Variants in LEPROTL1 observed in about 807,000 individuals in gnomAD.
LEPROTL1 encodes the protein leptin receptor overlapping transcript like 1.
A neutral mutation model predicts 15.4 loss-of-function variants in LEPROTL1; 6 were observed. That is an observed-to-expected ratio of 0.39 (90% CI 0.21 to 0.77). The LOEUF is 0.77. Among genes scored for constraint, LEPROTL1 ranks in the 30% least tolerant of loss-of-function variants. The pLI is 0.41. For synonymous variants in LEPROTL1, 56 were observed against 52.6 expected, an observed-to-expected ratio of 1.06 and a Z score of -0.28; for missense variants, 128 against 158.1, an observed-to-expected ratio of 0.81 and a Z score of 1.02.
At chr8:30,124,701 TAAC>T (rs1388183877) in intron 3 of LEPROTL1, among the ~76,000 whole-genome samples, 1 of 151,538 alleles carries the variant, frequency 6.6e-6, no homozygotes. Flanking sequence ...GTTATGTAAA[TAAC>T]TATATAAACA....
intron 3 of LEPROTL1, among the ~76,000 whole-genome samples, chr8:30,119,311 G>A (rs1802792127): frequency 6.6e-6 from 1 of 152,138 alleles, no homozygotes; most frequent in African/African-American, 2.4e-5. Flanking sequence ...CAGGGTACAG[G>A]TCAAAATGGA....
rs1802567133 is a variant in LEPROTL1 at position 30,106,321 on chromosome 8, G to C, written c.*459G>C. 1.0e-6 allele frequency: 1 copy of C among 986,640 alleles called. No homozygotes were observed. The highest frequency in any genetic ancestry group is 1.7e-5 in the African/African-American group (1 of 57,214). 61.1% of individuals were successfully genotyped at this position (986,640 alleles called of 1,614,324 possible). On this transcript the variant is annotated 3_prime_UTR_variant, in exon 4 of 4. Transcript: ENST00000321250. ...AATTATAAAAATAAGTTTTCAGTCA[G>C]TCAGGATGACATCACTCCCAATGTT...
At chr8:30,116,428 A>G (rs1232323990) in intron 3 of LEPROTL1, among the ~76,000 whole-genome samples, 2 of 152,172 alleles carry the variant, frequency 1.3e-5, no homozygotes. Context: ...ATCATCAGGC[A>G]TTAGATTCTC....
chr8:30,113,648 GTT>G (rs1307424846), intron 3 of LEPROTL1, among the ~76,000 whole-genome samples: 1 of 152,188 alleles, frequency 6.6e-6, no homozygotes, highest in Admixed American at 6.5e-5. Context: ...GAGAGAACAT[GTT>G]TCCTGCAGTA....
At chr8:30,129,566 G>T (rs1374872828) in intron 3 of LEPROTL1, among the ~76,000 whole-genome samples, 1 of 152,020 alleles carries the variant, frequency 6.6e-6, no homozygotes, top group Non-Finnish European at 1.5e-5. Context: ...TTAGCTGGGT[G>T]TGGTGGCATG....
At chr8:30,132,091 T>TGGGTG (rs760688047) in intron 3 of LEPROTL1, 1 of 1,551,682 alleles carries the variant, frequency 6.4e-7, no homozygotes, top group African/African-American at 1.4e-5. Flanking sequence ...AATGATCAAC[T>TGGGTG]GGGTGTGGGC....
chr8:30,124,494 A>T (rs536534177), intron 3 of LEPROTL1, among the ~76,000 whole-genome samples: 16 of 152,290 alleles, frequency 1.1e-4, no homozygotes, highest in African/African-American at 3.8e-4. Flanking sequence ...TTAATCTGTG[A>T]ATATCTCTAA....
downstream of LEPROTL1, among the ~76,000 whole-genome samples, chr8:30,110,496 T>TG (rs1305415044): frequency 6.6e-6 from 1 of 151,882 alleles, no homozygotes; most frequent in African/African-American, 2.4e-5. Flanking sequence ...GAGGCTGGGT[T>TG]GGGGGGCGGT....
At position 30,095,491 on chromosome 8, in the gene LEPROTL1, A is replaced by T. The variant is rs1802344280; in HGVS notation, c.-22A>T. On this transcript the variant is annotated 5_prime_UTR_variant, in exon 1 of 4. Transcript: ENST00000321250. ...CTGCCGCCGCCGCCTCGGGTCGTGG[A>T]GCCAGGAGCGACGTCACCGCCATGG... The T allele has an allele frequency of 1.4e-6, 2 of 1,462,550 alleles. No individual in the cohort carries two copies. Among genetic ancestry groups the T allele is most frequent in the Non-Finnish European group, 1.8e-6 (2 of 1,111,366 alleles). The allele number at this position is 1,462,550 out of a possible 1,614,324, so 90.6% of individuals were successfully genotyped here.
intron 3 of LEPROTL1, among the ~76,000 whole-genome samples, chr8:30,123,074 A>G (rs556886749): frequency 2.6e-5 from 4 of 152,308 alleles, no homozygotes; most frequent in Admixed American, 2.6e-4. Context: ...CTGGATGTCT[A>G]AATGGGAGCT....
In LEPROTL1 at chr8:30,106,834, G is replaced by A. The variant is rs1308223041; in HGVS notation, c.*972G>A. ...AAACCTTCCTCTGCTTCCTCCTTTT[G>A]ACTTATTTGGTATGTTGTATATATT... On this transcript the variant is annotated 3_prime_UTR_variant, in exon 4 of 4. Transcript: ENST00000321250. The A allele has an allele frequency of 2.0e-6, 2 of 984,326 alleles. No homozygotes were observed. The highest frequency in any genetic ancestry group is 3.5e-5 in the African/African-American group (2 of 57,126). The allele number at this position is 984,326 out of a possible 1,614,324, so 61.0% of individuals were successfully genotyped here.
chr8:30,131,884 T>C, intron 3 of LEPROTL1: 2 of 1,484,684 alleles, frequency 1.3e-6, no homozygotes, highest in African/African-American at 1.4e-5. Context: ...TATCGATGCG[T>C]CATCTGGCAC....
chr8:30,109,315 G>A (rs1802620711), downstream of LEPROTL1, among the ~76,000 whole-genome samples: 1 of 152,154 alleles, frequency 6.6e-6, no homozygotes, highest in Non-Finnish European at 1.5e-5. Flanking sequence ...TTCTTTCAGT[G>A]AAGATTAGGA....
At chr8:30,116,944 G>T (rs1487258860) in intron 3 of LEPROTL1, among the ~76,000 whole-genome samples, 2 of 152,122 alleles carry the variant, frequency 1.3e-5, no homozygotes, top group Non-Finnish European at 2.9e-5. Flanking sequence ...TATTAGACAT[G>T]AATTGAATTA....
intron 4 of LEPROTL1, among the ~76,000 whole-genome samples, chr8:30,135,309 T>A (rs186310528): frequency 7.7e-4 from 117 of 152,272 alleles, no homozygotes; most frequent in African/African-American, 2.7e-3. Context: ...ATGAGGAACA[T>A]TGTGGGAAAT....
At chr8:30,109,207 A>G (rs1328442038), downstream of LEPROTL1, among the ~76,000 whole-genome samples, 1 of 152,222 alleles carries the variant, frequency 6.6e-6, no homozygotes, top group African/African-American at 2.4e-5. Context: ...GTTATTGTTA[A>G]GTGGTATGTG....
At chr8:30,124,376 A>G (rs1198740734) in intron 3 of LEPROTL1, among the ~76,000 whole-genome samples, 1 of 152,172 alleles carries the variant, frequency 6.6e-6, no homozygotes, top group Admixed American at 6.5e-5. Context: ...TGAACTCCCA[A>G]TCAACCAGTT....
chr8:30,100,313 C>G (rs1414216228), intron 1 of LEPROTL1, among the ~76,000 whole-genome samples: 1 of 152,080 alleles, frequency 6.6e-6, no homozygotes, highest in Non-Finnish European at 1.5e-5. Context: ...ACTTTTAGAC[C>G]TTCTACAAAT....
Position 30,104,388 on chromosome 8 carries a change from G to T in LEPROTL1, c.181G>T (p.Ala61Ser). 1 of 1,612,430 alleles carries T rather than the reference G, an allele frequency of 6.2e-7. No individual in the cohort carries two copies. The highest frequency in any genetic ancestry group is 2.2e-5 in the East Asian group (1 of 44,814). The change falls in exon 3 of 4, where the codon GCT becomes TCT. Residue 61 changes from alanine to serine, a missense_variant. Transcript: ENST00000321250. Reference protein sequence around the residue: ...IARRLVDDTDAMSNACKELAI... With the variant: ...IARRLVDDTDSMSNACKELAI... ...AAGAAGATTAGTGGATGATACAGATGCTATGAGTAACGCTTGTAAGGAACT... is the reference window on the plus strand; with the variant it reads ...AAGAAGATTAGTGGATGATACAGATTCTATGAGTAACGCTTGTAAGGAACT...
Sources: allele counts gnomAD v4.1 joint callset (sites outside exome capture counted in the v4.1 genomes callset), GRCh38; gene constraint gnomAD v4.1.1; transcripts MANE v1.5; gene names NCBI Gene and HGNC (gene_info 2026-07-23, HGNC 2026-07-21).